CMTM4: variants seen among roughly 807,000 people sequenced by gnomAD.
The protein encoded by CMTM4 is CKLF-like MARVEL transmembrane domain-containing protein 4.
CMTM4 carries 8 observed loss-of-function variants against 19.0 expected under a neutral mutation model. The observed-to-expected ratio is 0.42, with a 90% CI of 0.25 to 0.76. The LOEUF is 0.76. Ranked by LOEUF, CMTM4 falls within the 30% of genes least tolerant of loss-of-function variation. The pLI, the probability that CMTM4 is intolerant of heterozygous loss-of-function variation, is 0.27. For synonymous variants in CMTM4, 106 were observed against 121.1 expected (o/e 0.88, Z 0.82); for missense variants, 228 against 290.2 (o/e 0.79, Z 1.56).
chr16:66,633,086 AAAATATATATATAT>A (rs1555499086), intron 2 of CMTM4, among the ~76,000 whole-genome samples: 2 of 103,346 alleles, frequency 1.9e-5, no homozygotes, highest in African/African-American at 5.6e-5. Flanking sequence ...ACTCCGTTTC[AAAATATATATATAT>A]AAATATATAT....
chr16:66,604,905 C>T, the CMTM4 span: 5 of 1,464,270 alleles, frequency 3.4e-6, no homozygotes, highest in South Asian at 5.3e-5. Flanking sequence ...GCTGCCGGCG[C>T]GGGCTTTCCT....
chr16:66,656,802 G>A (rs72790481), intron 1 of CMTM4, among the ~76,000 whole-genome samples: 6,538 of 151,964 alleles, frequency 0.043, 270 homozygotes, highest in East Asian at 0.16. Flanking sequence ...TGGTGTTCCC[G>A]ACACTACCAC....
the CMTM4 span, chr16:66,609,229 C>T: frequency 8.5e-6 from 5 of 586,792 alleles, no homozygotes; most frequent in East Asian, 2.8e-5. The surrounding 1 kb of genome is among the most constrained non-coding windows in gnomAD (Gnocchi z 4.4). Context: ...CCGCTGGACC[C>T]GGGATAGGGC....
intron 1 of CMTM4, among the ~76,000 whole-genome samples, chr16:66,676,788 T>C (rs1328585787): frequency 2.6e-5 from 4 of 152,232 alleles, no homozygotes; most frequent in Non-Finnish European, 5.9e-5. Context: ...GTGAGCACTT[T>C]ACAGAAGAAA....
chr16:66,634,317 A>G (rs2015946517), intron 2 of CMTM4, among the ~76,000 whole-genome samples: 1 of 151,828 alleles, frequency 6.6e-6, no homozygotes, highest in African/African-American at 2.4e-5. Flanking sequence ...GTACATGCCC[A>G]TAATCTCAGC....
At chr16:66,610,001 A>G (rs1277204169), downstream of CMTM4, 4 of 1,614,018 alleles carry the variant, frequency 2.5e-6, no homozygotes, top group Non-Finnish European at 3.4e-6. The surrounding 1 kb of genome is among the most constrained non-coding windows in gnomAD (Gnocchi z 4.6). Context: ...CACAAGACAG[A>G]AGGTAAGCGG....
Position 66,621,680 on chromosome 16 carries a change from G to A in CMTM4, c.*378C>T, listed in dbSNP as rs2015637791. 3.8e-6 allele frequency: 4 copies of A among 1,042,376 alleles called. No homozygotes were observed. Among genetic ancestry groups the A allele is most frequent in the South Asian group, 7.3e-5 (2 of 27,504 alleles). 64.6% of individuals were successfully genotyped at this position (1,042,376 alleles called of 1,614,324 possible). ...GCCTGAGAACCACTGCCGACTGACC[G>A]TTCCAATGCTGTCCCTTCATTCCTT... On this transcript the variant is annotated 3_prime_UTR_variant, in exon 4 of 4. Transcript: ENST00000394106.
chr16:66,606,801 T>A, the CMTM4 span, among the ~76,000 whole-genome samples: 2 of 152,200 alleles, frequency 1.3e-5, no homozygotes, highest in Non-Finnish European at 2.9e-5. Context: ...GAGACCAGCC[T>A]GGCCAGCATG....
At chr16:66,645,404 C>G (rs1026261203) in intron 1 of CMTM4, among the ~76,000 whole-genome samples, 4 of 151,740 alleles carry the variant, frequency 2.6e-5, no homozygotes, top group East Asian at 2.0e-4. Flanking sequence ...ATGGTGAAAC[C>G]CTGTCTCTAC....
At chr16:66,672,769 C>CAATTAGAT (rs2016733579) in intron 1 of CMTM4, among the ~76,000 whole-genome samples, 1 of 148,968 alleles carries the variant, frequency 6.7e-6, no homozygotes, top group Non-Finnish European at 1.5e-5. Flanking sequence ...GCCACCACAC[C>CAATTAGAT]CAGCTAGTTT....
chr16:66,679,195 AAAAATTCTAGGTC>A (rs2016863250), intron 1 of CMTM4, among the ~76,000 whole-genome samples: 1 of 152,162 alleles, frequency 6.6e-6, no homozygotes, highest in South Asian at 2.1e-4. Context: ...AAGTAAAGAA[AAAAATTCTAGGTC>A]AATAATTCAT....
At chr16:66,650,513 T>C (rs2016290829) in intron 1 of CMTM4, among the ~76,000 whole-genome samples, 1 of 151,776 alleles carries the variant, frequency 6.6e-6, no homozygotes, top group South Asian at 2.1e-4. Context: ...GTGTGGAGAG[T>C]GGTGGGCCCC....
In CMTM4 at chr16:66,616,963, A is replaced by G. The variant is rs2015537802; in HGVS notation, c.*5095T>C. 4.6e-6 allele frequency: 1 copy of G among 215,262 alleles called. No homozygotes were observed. The highest frequency in any genetic ancestry group is 1.0e-4 in the East Asian group (1 of 9,802). The allele number at this position is 215,262 out of a possible 1,614,324, so 13.3% of individuals were successfully genotyped here. On this transcript the variant is annotated 3_prime_UTR_variant, in exon 4 of 4. Transcript: ENST00000394106. The stretch of plus-strand genomic sequence containing the variant: ...CATTATCAGAATCTTGTTTCACACC[A>G]TCTCTCTTTTCAGGCAGTTATGAAA...
chr16:66,647,544 T>C (rs1021562400), intron 1 of CMTM4, among the ~76,000 whole-genome samples: 1 of 151,798 alleles, frequency 6.6e-6, no homozygotes, highest in Non-Finnish European at 1.5e-5. Flanking sequence ...GTAAGGAAGG[T>C]GTGCGCAGGG....
chr16:66,673,944 C>T (rs2016758568), intron 1 of CMTM4, among the ~76,000 whole-genome samples: 1 of 152,252 alleles, frequency 6.6e-6, no homozygotes, highest in African/African-American at 2.4e-5. Flanking sequence ...ATGGCCACTG[C>T]ATTCCACCAG....
Position 66,696,574 on chromosome 16 carries a change from G to C in CMTM4, c.-49C>G, listed in dbSNP as rs950078862. ...TCGCGCGGCTGGCTCCCGGCGCCAGGAGCGGGCGGACTCAGCGGGGCCGCC... is the reference window on the plus strand; with the variant it reads ...TCGCGCGGCTGGCTCCCGGCGCCAGCAGCGGGCGGACTCAGCGGGGCCGCC... On this transcript the variant is annotated 5_prime_UTR_variant, in exon 1 of 4. Transcript: ENST00000394106. The surrounding 1 kb of genome is among the most constrained non-coding windows in gnomAD (Gnocchi z 4.3). 283 of 1,112,900 alleles carry C rather than the reference G, an allele frequency of 2.5e-4. No homozygotes were observed. The highest frequency in any genetic ancestry group is 2.9e-4 in the Non-Finnish European group (267 of 908,132). 68.9% of individuals were successfully genotyped at this position (1,112,900 alleles called of 1,614,324 possible). A position where few individuals can be genotyped will look rare whatever the true frequency, so the allele number is the denominator to read the frequency against.
intron 1 of CMTM4, among the ~76,000 whole-genome samples, chr16:66,671,553 TCTC>T (rs2016707958): frequency 6.6e-6 from 1 of 152,128 alleles, no homozygotes; most frequent in Non-Finnish European, 1.5e-5. Context: ...TCCCTTATCT[TCTC>T]CTCCTCTCCC....
Position 66,621,325 on chromosome 16 carries a change from A to T in CMTM4, c.*733T>A. 1 of 985,674 alleles carries T rather than the reference A, an allele frequency of 1.0e-6. No individual in the cohort carries two copies. Among genetic ancestry groups the T allele is most frequent in the Non-Finnish European group, 1.2e-6 (1 of 829,938 alleles). 61.1% of individuals were successfully genotyped at this position (985,674 alleles called of 1,614,324 possible). The stretch of plus-strand genomic sequence containing the variant: ...GACTGAAAATCTGCAATTCAGCCTC[A>T]AAGTATTTAGGGTAGGCAGGAAACT... On this transcript the variant is annotated 3_prime_UTR_variant, in exon 4 of 4. Transcript: ENST00000394106.
chr16:66,682,926 A>G (rs1014957853), intron 1 of CMTM4, among the ~76,000 whole-genome samples: 1 of 151,998 alleles, frequency 6.6e-6, no homozygotes, highest in African/African-American at 2.4e-5. Context: ...TTCTAGGCAA[A>G]AAGATTGGCA....
Sources: gnomAD v4.1 joint callset for allele counts (sites outside exome capture counted in the v4.1 genomes callset) on GRCh38, gnomAD v4.1.1 for gene constraint, Gnocchi (gnomAD v3.1) non-coding constraint, MANE v1.5 for transcripts, NCBI Gene and HGNC (gene_info 2026-07-23, HGNC 2026-07-21) for gene names.